The following SLC12A3 variants were observed in gnomAD, a reference collection of about 807,000 sequenced individuals.
SLC12A3 encodes the protein solute carrier family 12 member 3, also known as Na-Cl cotransporter.
SLC12A3 carries 104 observed loss-of-function variants against 121.0 expected under a neutral mutation model. That is an observed-to-expected ratio of 0.86 (90% CI 0.73 to 1.01). The LOEUF (loss-of-function observed/expected upper bound fraction) is 1.01, where lower values mean the gene tolerates loss of function less well. Ranked by LOEUF, SLC12A3 falls within the 50% of genes least tolerant of loss-of-function variation. The probability of loss-of-function intolerance (pLI) is 0.00; values close to 1 mark genes in which losing one functional copy is unlikely to be tolerated. For synonymous variants in SLC12A3, 536 were observed against 533.4 expected (o/e 1.00, Z -0.07); for missense variants, 1,328 against 1,356.3 (o/e 0.98, Z 0.33).
chr16:56,897,493 C>A (rs2055481146), intron 22 of SLC12A3, among the ~76,000 whole-genome samples: 1 of 152,220 alleles, frequency 6.6e-6, no homozygotes, highest in African/African-American at 2.4e-5. Flanking sequence ...GGAAACCCAG[C>A]AATCCTATCA....
intron 8 of SLC12A3, 83 bp from the exon 9 acceptor site, chr16:56,877,994 G>A (rs1197222615): frequency 2.6e-6 from 2 of 770,538 alleles, no homozygotes; most frequent in South Asian, 1.6e-5. Context: ...CCTGGAAGGA[G>A]GCCCAGGGGC....
At chr16:56,894,008 T>TTTA (rs1374175955) in intron 21 of SLC12A3, among the ~76,000 whole-genome samples, 4 of 138,692 alleles carry the variant, frequency 2.9e-5, no homozygotes, top group Admixed American at 2.8e-4. Flanking sequence ...TATTTATTTA[T>TTTA]TTATTTATTT....
chr16:56,905,964 C>G (rs1035797519), intron 25 of SLC12A3, among the ~76,000 whole-genome samples: 4 of 152,170 alleles, frequency 2.6e-5, no homozygotes, highest in African/African-American at 9.7e-5. Flanking sequence ...ATCAAGCTTG[C>G]TTTCTCTGGC....
chr16:56,876,961 C>T (rs1445200031), intron 8 of SLC12A3, among the ~76,000 whole-genome samples: 1 of 152,250 alleles, frequency 6.6e-6, no homozygotes, highest in Non-Finnish European at 1.5e-5. Context: ...CTGTGTCCTC[C>T]TCGCAGCTCT....
intron 4 of SLC12A3, 112 bp downstream of exon 4, chr16:56,869,936 G>C: frequency 7.3e-7 from 1 of 1,366,536 alleles, no homozygotes; most frequent in Non-Finnish European, 1.0e-6. Context: ...CTGTGGTTCC[G>C]GGAGAGGGCT....
intron 20 of SLC12A3, among the ~76,000 whole-genome samples, chr16:56,892,533 G>A (rs2055402740): frequency 6.6e-6 from 1 of 152,162 alleles, no homozygotes; most frequent in Non-Finnish European, 1.5e-5. Flanking sequence ...CAGGCTCTGG[G>A]GCCCTTGTCC....
At position 56,905,498 on chromosome 16, in the gene SLC12A3, G is replaced by A. The variant is rs575180473; in HGVS notation, c.2924+1036G>A. ...GGGAATCAGACAGAAGGGATCTTTC[G>A]GCTCTGGTGATGTACCCCACTCCCA... On this transcript the variant is annotated intron_variant, in intron 25 of 25. Transcript: ENST00000563236. 3.9e-5 allele frequency among the ~76,000 whole-genome samples: 6 copies of A among 152,146 alleles called. No homozygotes were observed. In the East Asian group the frequency reaches 5.8e-4, roughly 15 times the overall value.
chr16:56,883,642 T>C (rs1379805392), intron 13 of SLC12A3, among the ~76,000 whole-genome samples: 3 of 152,162 alleles, frequency 2.0e-5, no homozygotes, highest in African/African-American at 7.2e-5. Context: ...TAGATCCCAA[T>C]GTGTATGATG....
chr16:56,899,658 T>A, intron 23 of SLC12A3, 42 bp downstream of exon 23: 1 of 1,434,192 alleles, frequency 7.0e-7, no homozygotes, highest in Non-Finnish European at 9.8e-7. Flanking sequence ...GGGCCAACTG[T>A]GTGCCTGGAG....
At chr16:56,879,979 G>T (rs550876728) in intron 11 of SLC12A3, 151 bp from the exon 12 acceptor site, 9 of 923,238 alleles carry the variant, frequency 9.7e-6, no homozygotes, top group African/African-American at 6.5e-5. Flanking sequence ...GGTGGAGGGG[G>T]TGAGCATCCC....
chr16:56,911,644 G>T (rs1327636431), intron 25 of SLC12A3, among the ~76,000 whole-genome samples: 2 of 151,272 alleles, frequency 1.3e-5, no homozygotes, highest in Non-Finnish European at 2.9e-5. Flanking sequence ...TTTAAAGGAG[G>T]GTAGGGCTTG....
Position 56,892,147 on chromosome 16 carries a change from A to G in SLC12A3, c.2419+14A>G, listed in dbSNP as rs2144741775. 4 of 1,613,080 alleles carry G rather than the reference A, an allele frequency of 2.5e-6. No homozygotes were observed. The highest frequency in any genetic ancestry group is 3.4e-6 in the Non-Finnish European group (4 of 1,179,192). On this transcript the variant is annotated intron_variant, in intron 20 of 25. Transcript: ENST00000563236. Reference sequence around the variant, plus strand: ...CCAGCGCCAGAGGTGCCAGGCCATCAGTCTCTGGCGCTTGTCAGTGTTCCC... The same window carrying G: ...CCAGCGCCAGAGGTGCCAGGCCATCGGTCTCTGGCGCTTGTCAGTGTTCCC...
At chr16:56,879,025 A>G (rs1351993403) in intron 9 of SLC12A3, 48 bp from the exon 10 acceptor site, 1 of 1,568,260 alleles carries the variant, frequency 6.4e-7, no homozygotes, top group South Asian at 1.2e-5. Flanking sequence ...AAGAGGACAG[A>G]GTAAGGAGGG....
chr16:56,879,721 C>T (rs554992376), intron 11 of SLC12A3, 72 bp downstream of exon 11: 3 of 1,115,814 alleles, frequency 2.7e-6, no homozygotes, highest in Non-Finnish European at 4.0e-6. Context: ...AGGGCGGGTC[C>T]CTGGGTGACT....
At chr16:56,867,023 G>T in intron 1 of SLC12A3, 47 bp from the exon 2 acceptor site, 7 of 1,603,068 alleles carry the variant, frequency 4.4e-6, no homozygotes, top group Non-Finnish European at 5.9e-6. Context: ...CAGAGACGCC[G>T]TCCCTAGCAC....
intron 8 of SLC12A3, among the ~76,000 whole-genome samples, chr16:56,874,066 G>C (rs1206945396): frequency 6.6e-6 from 1 of 152,130 alleles, no homozygotes; most frequent in Non-Finnish European, 1.5e-5. Context: ...CCTTCCATCA[G>C]AGTCATGGTT....
chr16:56,906,555 C>A (rs2055610555), intron 25 of SLC12A3: 1 of 233,340 alleles, frequency 4.3e-6, no homozygotes, highest in South Asian at 7.0e-5. Context: ...AGTAAGTATC[C>A]AAACTAGGAA....
intron 12 of SLC12A3, 72 bp from the exon 13 acceptor site, chr16:56,882,324 A>G: frequency 7.8e-7 from 1 of 1,274,744 alleles, no homozygotes; most frequent in Admixed American, 1.7e-5. Context: ...CCACCCTGGG[A>G]AGGAGGGTGC....
Position 56,913,697 on chromosome 16 carries a change from CATTA to C in SLC12A3, c.*298_*301del. On this transcript the variant is annotated 3_prime_UTR_variant, in exon 26 of 26. Coordinates refer to ENST00000563236, the MANE Select transcript of SLC12A3 (RefSeq NM_001126108.2). ...AAGGATTTCTTTTGATTTTGATGAC[CATTA>C]ATTAAGAGTTCAGTCTTTGATTTGT... 1 of 436,840 alleles carries C rather than the reference CATTA, an allele frequency of 2.3e-6. No homozygotes were observed. Among genetic ancestry groups the C allele is most frequent in the Non-Finnish European group, 4.3e-6 (1 of 235,104 alleles). 27.1% of individuals were successfully genotyped at this position (436,840 alleles called of 1,614,324 possible).
Sources: gnomAD v4.1 joint callset for allele counts (sites outside exome capture counted in the v4.1 genomes callset) on GRCh38, gnomAD v4.1.1 for gene constraint, MANE v1.5 for transcripts, NCBI Gene and HGNC (gene_info 2026-07-23, HGNC 2026-07-21) for gene names.